Variants in PARD3B observed in about 807,000 individuals in gnomAD.
PARD3B encodes the protein par-3 family cell polarity regulator beta.
A neutral mutation model predicts 130.2 loss-of-function variants in PARD3B; 103 were observed. The observed-to-expected ratio is 0.79, with a 90% CI of 0.67 to 0.93. The LOEUF is 0.93. Ranked by LOEUF, PARD3B falls within the 40% of genes least tolerant of loss-of-function variation. The pLI is 0.00. For synonymous variants in PARD3B, 583 were observed against 553.2 expected (o/e 1.05, Z -0.76); for missense variants, 1,609 against 1,499.2 (o/e 1.07, Z -1.21).
intron 2 of PARD3B, among the ~76,000 whole-genome samples, chr2:204,693,627 T>G (rs1295667559): frequency 6.6e-6 from 1 of 152,080 alleles, no homozygotes; most frequent in Non-Finnish European, 1.5e-5. Context: ...TTAAATCATA[T>G]TGTTCCTTTT....
chr2:205,403,418 C>A (rs1374138215), intron 19 of PARD3B, among the ~76,000 whole-genome samples: 1 of 152,160 alleles, frequency 6.6e-6, no homozygotes. Context: ...ATATTTATAG[C>A]ACAGTTTCTC....
At chr2:205,581,301 TAG>T (rs2053967977) in intron 22 of PARD3B, among the ~76,000 whole-genome samples, 2 of 145,670 alleles carry the variant, frequency 1.4e-5, no homozygotes, top group South Asian at 4.2e-4. Flanking sequence ...TAGATATAGA[TAG>T]ATAGATAGAT....
At chr2:204,825,675 G>A (rs924725958) in intron 2 of PARD3B, among the ~76,000 whole-genome samples, 1 of 152,196 alleles carries the variant, frequency 6.6e-6, no homozygotes, top group African/African-American at 2.4e-5. Flanking sequence ...ACCAAGTTAG[G>A]TGAAATTCTA....
intron 11 of PARD3B, among the ~76,000 whole-genome samples, chr2:205,167,024 A>G (rs1256752340): frequency 6.6e-6 from 1 of 152,150 alleles, no homozygotes; most frequent in Non-Finnish European, 1.5e-5. Flanking sequence ...CTTCTCTCAT[A>G]TTCTTCAGTG....
chr2:204,883,519 C>T (rs2046154242), intron 2 of PARD3B, among the ~76,000 whole-genome samples: 1 of 142,686 alleles, frequency 7.0e-6, no homozygotes, highest in Non-Finnish European at 1.5e-5. Context: ...CCCAATCTCG[C>T]TCGCTGCAAC....
intron 1 of PARD3B, among the ~76,000 whole-genome samples, chr2:204,564,002 C>A (rs1009486528): frequency 1.3e-5 from 2 of 152,116 alleles, no homozygotes; most frequent in African/African-American, 4.8e-5. Context: ...TCTCGATCTC[C>A]TGACCTTGTG....
At chr2:205,100,750 C>A (rs1397037742) in intron 4 of PARD3B, among the ~76,000 whole-genome samples, 1 of 152,022 alleles carries the variant, frequency 6.6e-6, no homozygotes, top group African/African-American at 2.4e-5. Flanking sequence ...AAAAAACAAT[C>A]TTTTCAATGA....
At chr2:204,684,712 C>A (rs182681267) in intron 1 of PARD3B, among the ~76,000 whole-genome samples, 2 of 152,256 alleles carry the variant, frequency 1.3e-5, no homozygotes, top group East Asian at 3.9e-4. Context: ...GTCTTTCTTA[C>A]CTGATTATAC....
intron 21 of PARD3B, among the ~76,000 whole-genome samples, chr2:205,507,131 T>C (rs2050397425): frequency 6.7e-6 from 1 of 150,158 alleles, no homozygotes; most frequent in Non-Finnish European, 1.5e-5. Context: ...TCAGTAGCGC[T>C]GATTGATTCA....
In PARD3B at chr2:204,678,210, C is replaced by T. The variant is rs573937619; in HGVS notation, c.121-7971C>T. Among the ~76,000 whole-genome samples the T allele has an allele frequency of 6.6e-6, 1 of 152,216 alleles. No individual in the cohort carries two copies. The highest frequency in any genetic ancestry group is 1.5e-5 in the Non-Finnish European group (1 of 68,018). ...AGGTGAGCAGGTGCAGGACCTGGGGCAAGTGCCTTTAGGTGCTGGCAGGAC... is the reference window on the plus strand; with the variant it reads ...AGGTGAGCAGGTGCAGGACCTGGGGTAAGTGCCTTTAGGTGCTGGCAGGAC... On this transcript the variant is annotated intron_variant, in intron 1 of 22. Coordinates refer to ENST00000406610, the MANE Select transcript of PARD3B (RefSeq NM_001302769.2). This position sits in a 1 kb window ranked among gnomAD's most constrained non-coding sequence, Gnocchi z 4.2.
At chr2:204,666,017 C>T (rs1225481981) in intron 1 of PARD3B, among the ~76,000 whole-genome samples, 1 of 152,186 alleles carries the variant, frequency 6.6e-6, no homozygotes, top group African/African-American at 2.4e-5. Flanking sequence ...ACTAACCATT[C>T]TTTGTCTGAA....
intron 1 of PARD3B, among the ~76,000 whole-genome samples, chr2:204,570,679 G>T (rs1486682759): frequency 1.3e-5 from 2 of 152,198 alleles, no homozygotes; most frequent in Non-Finnish European, 2.9e-5. Flanking sequence ...GAGAAAGAGT[G>T]AAGTTCAAAC....
At chr2:205,310,719 C>CTT (rs34032930) in intron 18 of PARD3B, among the ~76,000 whole-genome samples, 1,341 of 82,582 alleles carry the variant, frequency 0.016, 66 homozygotes, top group East Asian at 0.066. Context: ...TTCTTTCTTT[C>CTT]TTTTTTTTTT....
intron 2 of PARD3B, among the ~76,000 whole-genome samples, chr2:204,946,274 A>G (rs766887786): frequency 5.9e-5 from 9 of 152,348 alleles, no homozygotes; most frequent in Admixed American, 1.3e-4. Flanking sequence ...TCTTGGCTGT[A>G]GGAATTGAAG....
chr2:204,776,100 T>A (rs2041605932), intron 2 of PARD3B, among the ~76,000 whole-genome samples: 1 of 152,216 alleles, frequency 6.6e-6, no homozygotes, highest in Admixed American at 6.6e-5. Flanking sequence ...GGTCTGATAA[T>A]CTCCTGACAT....
At chr2:205,362,572 T>C (rs981178904) in intron 18 of PARD3B, among the ~76,000 whole-genome samples, 1 of 152,186 alleles carries the variant, frequency 6.6e-6, no homozygotes, top group Non-Finnish European at 1.5e-5. Flanking sequence ...TTTGGAAATG[T>C]GTAATCTCCT....
At chr2:204,634,062 ATAG>A (rs1452548127) in intron 1 of PARD3B, among the ~76,000 whole-genome samples, 2 of 152,144 alleles carry the variant, frequency 1.3e-5, no homozygotes, top group Non-Finnish European at 2.9e-5. Context: ...TTGCTATCAA[ATAG>A]TAGGCCTTAT....
chr2:204,996,910 G>A (rs1694258305), intron 3 of PARD3B, among the ~76,000 whole-genome samples: 1 of 151,446 alleles, frequency 6.6e-6, no homozygotes, highest in Non-Finnish European at 1.5e-5. Flanking sequence ...GCGCTTCCCA[G>A]GTGAGGCAAT....
chr2:204,874,932 A>G (rs1035605822), intron 2 of PARD3B, among the ~76,000 whole-genome samples: 1 of 152,202 alleles, frequency 6.6e-6, no homozygotes, highest in African/African-American at 2.4e-5. Flanking sequence ...TTATTGCTGA[A>G]TAGTATTCCA....
Sources: allele counts gnomAD v4.1 joint callset (sites outside exome capture counted in the v4.1 genomes callset), GRCh38; gene constraint gnomAD v4.1.1; non-coding constraint Gnocchi (gnomAD v3.1); transcripts MANE v1.5; gene names NCBI Gene and HGNC (gene_info 2026-07-23, HGNC 2026-07-21).